USP7: variants seen among roughly 807,000 people sequenced by gnomAD.
USP7 encodes the protein ubiquitin specific peptidase 7.
In USP7, 9 loss-of-function variants were observed where a neutral mutation model predicts 162.9. That is an observed-to-expected ratio of 0.06 (90% CI 0.03 to 0.10). The LOEUF (loss-of-function observed/expected upper bound fraction) is 0.10. Among genes scored for constraint, USP7 ranks in the 10% least tolerant of loss-of-function variants. USP7 has a pLI of 1.00. For missense variants in USP7, 715 were observed against 1,373.7 expected, an observed-to-expected ratio of 0.52 and a Z score of 7.58; for synonymous variants, 562 against 475.9, an observed-to-expected ratio of 1.18 and a Z score of -2.35.
chr16:8,952,838 CTTT>C (rs548309636), intron 1 of USP7, among the ~76,000 whole-genome samples: 1 of 145,336 alleles, frequency 6.9e-6, no homozygotes, highest in Non-Finnish European at 1.5e-5. Context: ...ACCACACTCG[CTTT>C]TTTTTTTTTA....
chr16:8,896,878 T>C, intron 26 of USP7, 121 bp downstream of exon 26: 2 of 773,066 alleles, frequency 2.6e-6, no homozygotes, highest in Non-Finnish European at 2.3e-6. Flanking sequence ...CACACCCCAC[T>C]GAGTCTGGGA....
intron 4 of USP7, among the ~76,000 whole-genome samples, chr16:8,920,759 A>G (rs1411603682): frequency 2.0e-5 from 3 of 152,210 alleles, no homozygotes; most frequent in African/African-American, 7.2e-5. Context: ...TAAGTGACTT[A>G]GCATAGTAAG....
intron 21 of USP7, 81 bp from the exon 22 acceptor site, chr16:8,899,838 C>G (rs2061746148): frequency 2.0e-6 from 3 of 1,473,920 alleles, no homozygotes; most frequent in Non-Finnish European, 2.8e-6. Flanking sequence ...ATCTTTTACA[C>G]AACAGTGACA....
At chr16:8,917,209 TA>T (rs1897418087) in intron 6 of USP7, 53 bp from the exon 7 acceptor site, 1 of 1,537,586 alleles carries the variant, frequency 6.5e-7, no homozygotes, top group Admixed American at 2.2e-5. Flanking sequence ...CAGGGGAATT[TA>T]AAAAACAGTA....
chr16:8,902,716 C>T (rs1025431044), intron 16 of USP7, among the ~76,000 whole-genome samples: 1 of 151,992 alleles, frequency 6.6e-6, no homozygotes, highest in African/African-American at 2.4e-5. Context: ...GGTGAACTCT[C>T]GTCTCTACTA....
intron 14 of USP7, 98 bp downstream of exon 14, chr16:8,905,089 A>C: frequency 2.0e-6 from 3 of 1,467,210 alleles, no homozygotes; most frequent in Non-Finnish European, 2.8e-6. Context: ...TGGAATAAGC[A>C]TAAAATGTGT....
At chr16:8,912,553 A>G (rs1252469996) in intron 10 of USP7, among the ~76,000 whole-genome samples, 1 of 152,210 alleles carries the variant, frequency 6.6e-6, no homozygotes, top group Non-Finnish European at 1.5e-5. Flanking sequence ...ATAGAAACAG[A>G]TGCAGAAATC....
chr16:8,928,043 A>ATCT (rs1898109747), intron 2 of USP7, among the ~76,000 whole-genome samples: 2 of 152,250 alleles, frequency 1.3e-5, no homozygotes. Flanking sequence ...GTGAATAAGG[A>ATCT]ACTAAAAGTA....
chr16:8,952,155 T>C (rs1041448172), intron 1 of USP7, among the ~76,000 whole-genome samples: 1 of 151,770 alleles, frequency 6.6e-6, no homozygotes, highest in Non-Finnish European at 1.5e-5. Context: ...GAGGCTGAGG[T>C]GGGAGGACTC....
intron 1 of USP7, among the ~76,000 whole-genome samples, chr16:8,957,900 A>C (rs1252046996): frequency 6.6e-6 from 1 of 152,330 alleles, no homozygotes; most frequent in Middle Eastern, 3.4e-3. Context: ...TTACTTCCAA[A>C]AGGATCAAAA....
At chr16:8,915,749 T>C (rs1897338023) in intron 8 of USP7, among the ~76,000 whole-genome samples, 1 of 152,236 alleles carries the variant, frequency 6.6e-6, no homozygotes, top group Admixed American at 6.5e-5. Context: ...ATACAGCCTT[T>C]GGAATAAATT....
chr16:8,901,866 G>C (rs989677789), intron 18 of USP7: 3 of 571,922 alleles, frequency 5.2e-6, no homozygotes, highest in East Asian at 5.9e-5. Flanking sequence ...AGAACAGGAC[G>C]GCCCCACGTG....
At chr16:8,954,553 T>C (rs1353556339) in intron 1 of USP7, among the ~76,000 whole-genome samples, 1 of 152,220 alleles carries the variant, frequency 6.6e-6, no homozygotes, top group Non-Finnish European at 1.5e-5. Flanking sequence ...TTTTTTGCAA[T>C]GGAAGACAAT....
intron 2 of USP7, among the ~76,000 whole-genome samples, chr16:8,927,650 AC>A (rs1407175193): frequency 6.6e-6 from 1 of 152,094 alleles, no homozygotes; most frequent in Non-Finnish European, 1.5e-5. Flanking sequence ...AGCCTGGCCA[AC>A]ATGGTGAAAC....
chr16:8,916,401 GCATTTTCTGAAT>G (rs1897370865), intron 8 of USP7, 89 bp downstream of exon 8: 1 of 1,213,530 alleles, frequency 8.2e-7, no homozygotes, highest in Non-Finnish European at 1.1e-6. Flanking sequence ...ACAAAGATGG[GCATTTTCTGAAT>G]TAGGTCTGAG....
rs1900119026 is a variant in USP7 at position 8,963,789 on chromosome 16, G to A, written c.-504C>T. ...GGAGCGGGCGGGCGACGGGCCGGCC[G>A]CGTTCCGAGAGCCGCGGCCTCCGCC... On this transcript the variant is annotated 5_prime_UTR_variant, in exon 1 of 31. Coordinates refer to ENST00000344836, the MANE Select transcript of USP7 (RefSeq NM_003470.3). Among the ~76,000 whole-genome samples the A allele has an allele frequency of 6.8e-6, 1 of 146,012 alleles. No individual in the cohort carries two copies. Among genetic ancestry groups the A allele is most frequent in the African/African-American group, 2.5e-5 (1 of 40,788 alleles).
In USP7 at chr16:8,961,146, A is replaced by C. The variant is rs558380054; in HGVS notation, c.79+2061T>G. ...ATGAGAAAAGAAAGTAGCCTTGAAAACGTGCATGGAGACTGATGAATTTCT... is the reference window on the plus strand; with the variant it reads ...ATGAGAAAAGAAAGTAGCCTTGAAACCGTGCATGGAGACTGATGAATTTCT... On this transcript the variant is annotated intron_variant, in intron 1 of 30. Transcript: ENST00000344836. Among the ~76,000 whole-genome samples, 4 of 152,212 alleles carry C rather than the reference A, an allele frequency of 2.6e-5. No individual in the cohort carries two copies. In the South Asian group the frequency reaches 8.3e-4, roughly 32 times the overall value.
At position 8,892,772 on chromosome 16, in the gene USP7, T is replaced by C. The variant is rs1196984874; in HGVS notation, c.*1226A>G. 3 of 152,246 alleles carry C rather than the reference T, an allele frequency of 2.0e-5. No individual in the cohort carries two copies. The highest frequency in any genetic ancestry group is 4.4e-5 in the Non-Finnish European group (3 of 68,048). 9.4% of individuals were successfully genotyped at this position (152,246 alleles called of 1,614,324 possible). A position where few individuals can be genotyped will look rare whatever the true frequency, so the allele number is the denominator to read the frequency against. On this transcript the variant is annotated 3_prime_UTR_variant, in exon 31 of 31. Transcript: ENST00000344836. Reference sequence around the variant, plus strand: ...CTCCACTTCCACGTAACTCACTGAATTATAATTTTTATAGAAAATTTTATT... The same window carrying C: ...CTCCACTTCCACGTAACTCACTGAACTATAATTTTTATAGAAAATTTTATT...
intron 10 of USP7, 44 bp from the exon 11 acceptor site, chr16:8,910,871 T>TA (rs777333589): frequency 6.7e-7 from 1 of 1,496,796 alleles, no homozygotes; most frequent in Non-Finnish European, 9.3e-7. Context: ...AAGCTTCATT[T>TA]ATAATGTAGC....
Sources: gnomAD v4.1 joint callset for allele counts (sites outside exome capture counted in the v4.1 genomes callset) on GRCh38, gnomAD v4.1.1 for gene constraint, MANE v1.5 for transcripts, NCBI Gene and HGNC (gene_info 2026-07-23, HGNC 2026-07-21) for gene names.